Variants in CCDC125 observed in about 807,000 individuals in gnomAD.
CCDC125 encodes coiled-coil domain containing 125.
In CCDC125, 43 loss-of-function variants were observed where a neutral mutation model predicts 57.4. The ratio of observed to expected loss-of-function variants is 0.75; its 90% CI spans 0.59 to 0.97. The LOEUF (loss-of-function observed/expected upper bound fraction) is 0.97. Among genes scored for constraint, CCDC125 ranks in the 50% least tolerant of loss-of-function variants. The pLI, the probability that CCDC125 is intolerant of heterozygous loss-of-function variation, is 0.00. For missense variants in CCDC125, 563 were observed against 595.7 expected, an observed-to-expected ratio of 0.95 and a Z score of 0.57; for synonymous variants, 187 against 195.2, an observed-to-expected ratio of 0.96 and a Z score of 0.35.
chr5:69,321,593 G>A (rs999234789), intron 1 of CCDC125, among the ~76,000 whole-genome samples: 2 of 152,174 alleles, frequency 1.3e-5, no homozygotes, highest in Admixed American at 6.5e-5. Context: ...GTCAATATTT[G>A]TGTATGTAAA....
chr5:69,330,367 G>A (rs1282259508), intron 1 of CCDC125, among the ~76,000 whole-genome samples: 1 of 151,998 alleles, frequency 6.6e-6, no homozygotes, highest in Non-Finnish European at 1.5e-5. Context: ...AGGCTGAGGC[G>A]GGCGGATCAT....
intron 8 of CCDC125, among the ~76,000 whole-genome samples, chr5:69,298,333 A>G (rs1011948445): frequency 3.3e-5 from 5 of 152,150 alleles, no homozygotes; most frequent in African/African-American, 1.2e-4. Flanking sequence ...GTACTTTCAC[A>G]TGGATGAGCT....
At chr5:69,314,890 T>C (rs1758759993) in intron 2 of CCDC125, among the ~76,000 whole-genome samples, 1 of 152,146 alleles carries the variant, frequency 6.6e-6, no homozygotes, top group South Asian at 2.1e-4. Context: ...AAAACATGAA[T>C]ATTGGTGAGT....
At chr5:69,324,087 C>G (rs1009060986) in intron 1 of CCDC125, among the ~76,000 whole-genome samples, 15 of 152,120 alleles carry the variant, frequency 9.9e-5, no homozygotes, top group Non-Finnish European at 2.9e-5. Context: ...TTGTGGAGAT[C>G]TCTCTATTCT....
rs574711873 is a variant in CCDC125 at position 69,331,882 on chromosome 5, G to C, written c.-41+767C>G. ...CTTCCCAGTTCTGGGAGGTTTTACTGAATCTTTTTAATAGTGCTTACTTCC... is the reference window on the plus strand; with the variant it reads ...CTTCCCAGTTCTGGGAGGTTTTACTCAATCTTTTTAATAGTGCTTACTTCC... On this transcript the variant is annotated intron_variant, in intron 1 of 11. Transcript: ENST00000396496. 3.3e-5 allele frequency among the ~76,000 whole-genome samples: 5 copies of C among 152,352 alleles called. No individual in the cohort carries two copies. In the East Asian group the frequency reaches 7.7e-4, roughly 24 times the overall value.
the CCDC125 span, chr5:69,273,049 GGT>G: frequency 6.7e-7 from 1 of 1,494,146 alleles, no homozygotes; most frequent in Non-Finnish European, 9.0e-7. Context: ...CAGGTATTTT[GGT>G]GTATCTTTTT....
At chr5:69,296,803 A>G (rs1755393387) in intron 8 of CCDC125, among the ~76,000 whole-genome samples, 1 of 151,600 alleles carries the variant, frequency 6.6e-6, no homozygotes, top group African/African-American at 2.4e-5. Flanking sequence ...TCTCTACTAA[A>G]AAATATAAAA....
chr5:69,327,218 C>A (rs1295980815), intron 1 of CCDC125, among the ~76,000 whole-genome samples: 1 of 151,696 alleles, frequency 6.6e-6, no homozygotes, highest in Non-Finnish European at 1.5e-5. Flanking sequence ...CCTCAGCCTC[C>A]TGAGCGGTTG....
chr5:69,285,309 A>G (rs765090908), intron 11 of CCDC125, 28 bp downstream of exon 11: 1 of 1,609,862 alleles, frequency 6.2e-7, no homozygotes, highest in Non-Finnish European at 8.5e-7. Context: ...CTTAACCATA[A>G]CCTGCAAAAA....
At chr5:69,299,885 G>A (rs1359918958) in intron 8 of CCDC125, 127 bp downstream of exon 8, 28 of 748,046 alleles carry the variant, frequency 3.7e-5, no homozygotes, top group East Asian at 2.0e-4. Flanking sequence ...GCCCAGGGGC[G>A]TCTCTCACTC....
intron 3 of CCDC125, among the ~76,000 whole-genome samples, chr5:69,312,240 C>T (rs1262968729): frequency 6.6e-6 from 1 of 152,194 alleles, no homozygotes; most frequent in East Asian, 1.9e-4. Context: ...CCAAGGATTG[C>T]AGCAAGCATC....
intron 10 of CCDC125, among the ~76,000 whole-genome samples, chr5:69,290,332 T>G (rs1322629639): frequency 1.3e-5 from 2 of 151,368 alleles, no homozygotes; most frequent in Non-Finnish European, 2.9e-5. Flanking sequence ...AGACAGAGTC[T>G]TGCTCTGTCA....
intron 6 of CCDC125, among the ~76,000 whole-genome samples, chr5:69,304,371 C>T (rs1249045263): frequency 1.3e-5 from 2 of 151,662 alleles, no homozygotes; most frequent in African/African-American, 4.8e-5. Flanking sequence ...TCCCAAAGTG[C>T]TGGGATTACA....
chr5:69,320,788 T>G (rs967716369), intron 1 of CCDC125, among the ~76,000 whole-genome samples: 38 of 148,140 alleles, frequency 2.6e-4, no homozygotes, highest in South Asian at 1.7e-3. Context: ...TGGTGTGGGG[T>G]GTGTGTGTGT....
chr5:69,321,410 T>G (rs1759999708), intron 1 of CCDC125, among the ~76,000 whole-genome samples: 1 of 152,156 alleles, frequency 6.6e-6, no homozygotes, highest in Non-Finnish European at 1.5e-5. Flanking sequence ...TTCTGAGAAA[T>G]GTGTTGTTAG....
At chr5:69,297,281 T>C (rs1755510190) in intron 8 of CCDC125, among the ~76,000 whole-genome samples, 1 of 151,980 alleles carries the variant, frequency 6.6e-6, no homozygotes, top group African/African-American at 2.4e-5. Flanking sequence ...CCGCAAATGA[T>C]CCACCTGCCT....
chr5:69,297,691 T>C (rs1236745957), intron 8 of CCDC125, among the ~76,000 whole-genome samples: 1 of 150,814 alleles, frequency 6.6e-6, no homozygotes, highest in East Asian at 2.1e-4. Context: ...GGGCTAGGTA[T>C]GGTGGCTCAC....
chr5:69,291,462 C>T (rs1754448436), intron 10 of CCDC125, among the ~76,000 whole-genome samples: 1 of 151,812 alleles, frequency 6.6e-6, no homozygotes, highest in Admixed American at 6.6e-5. Context: ...TCAAGCGATT[C>T]TTCTGCCTCA....
At chr5:69,331,779 C>T (rs961192674) in intron 1 of CCDC125, among the ~76,000 whole-genome samples, 2 of 152,154 alleles carry the variant, frequency 1.3e-5, no homozygotes, top group African/African-American at 4.8e-5. Flanking sequence ...CTCAGAGCCC[C>T]CTCAGTTCAG....
Sources: gnomAD v4.1 joint callset for allele counts (sites outside exome capture counted in the v4.1 genomes callset) on GRCh38, gnomAD v4.1.1 for gene constraint, MANE v1.5 for transcripts, NCBI Gene and HGNC (gene_info 2026-07-23, HGNC 2026-07-21) for gene names.